Variants in SCRIB observed in about 807,000 individuals in gnomAD.
The protein encoded by SCRIB is scribble planar cell polarity protein.
SCRIB carries 72 observed loss-of-function variants against 170.0 expected under a neutral mutation model. That is an observed-to-expected ratio of 0.42 (90% CI 0.35 to 0.52). The LOEUF (loss-of-function observed/expected upper bound fraction) is 0.52. Ranked by LOEUF, SCRIB falls within the 20% of genes least tolerant of loss-of-function variation. The probability of loss-of-function intolerance (pLI) is 0.02; values close to 1 mark genes in which losing one functional copy is unlikely to be tolerated. For synonymous variants in SCRIB, 1,298 were observed against 1,044.3 expected, an observed-to-expected ratio of 1.24 and a Z score of -4.68; for missense variants, 2,475 against 2,338.5, an observed-to-expected ratio of 1.06 and a Z score of -1.20.
chr8:143,805,399 C>T lies in SCRIB; in HGVS notation c.2383G>A (p.Glu795Lys), dbSNP rs782488893. 23 of 1,536,980 alleles carry T rather than the reference C, an allele frequency of 1.5e-5. No homozygotes were observed. Among genetic ancestry groups the T allele is most frequent in the South Asian group, 1.1e-4 (9 of 83,806 alleles). ...GVALQGAEHH[E>K]AVEALRGAGT... ...GCCCCCCGGAGCGCCTCCACGGCCT[C>T]GTGGTGCTCGGCGCCCTGCAGAGCC... Residue 795 changes from glutamate to lysine, a missense_variant, in exon 19 of 37, where the codon GAG becomes AAG. Physicochemically the swap from Glu to Lys is moderately conservative, Grantham distance 56. Around this residue, in one of 3 missense-constraint regions of SCRIB, gnomAD observed 1,966 missense variants for 1,742.9 expected, o/e 1.13. Coordinates refer to ENST00000356994, the MANE Select transcript of SCRIB (RefSeq NM_182706.5).
intron 27 of SCRIB, 105 bp downstream of exon 27, chr8:143,794,933 C>G (rs1360123708): frequency 8.6e-7 from 1 of 1,160,338 alleles, no homozygotes; most frequent in East Asian, 2.4e-5. Flanking sequence ...CACCCCAGCC[C>G]CCGCCCAAAG....
At chr8:143,805,569 C>T (rs1587531153) in intron 18 of SCRIB, 134 bp from the exon 19 acceptor site, 3 of 900,074 alleles carry the variant, frequency 3.3e-6, no homozygotes, top group South Asian at 3.9e-5. Context: ...CAGGCGCTGA[C>T]ATCACCCGAG....
chr8:143,792,654 G>T lies in SCRIB; in HGVS notation c.4178-19C>A. The T allele has an allele frequency of 6.3e-7, 1 of 1,592,274 alleles. No individual in the cohort carries two copies. ...TTTCTGGCTGCCGGAGGGCAGGGTG[G>T]GTCAGGCCAGACCAGCCGAGACCCA... On this transcript the variant is annotated intron_variant, in intron 30 of 36. Coordinates refer to ENST00000356994, the MANE Select transcript of SCRIB (RefSeq NM_182706.5).
intron 1 of SCRIB, 66 bp downstream of exon 1, chr8:143,815,148 T>C: frequency 1.4e-6 from 2 of 1,435,070 alleles, no homozygotes; most frequent in Non-Finnish European, 1.8e-6. Flanking sequence ...CCGGGCAGAT[T>C]CTGCCGCCGG....
At position 143,813,602 on chromosome 8, in the gene SCRIB, C is replaced by T. The variant is rs202101404; in HGVS notation, c.446+35G>A. ...AGGGGCAGGGCCAATCCTGGTCCCC[C>T]ACCCCACCCTAGTTCCACCTGAGAA... On this transcript the variant is annotated intron_variant, in intron 4 of 36. Transcript: ENST00000356994. The T allele has an allele frequency of 1.9e-5, 30 of 1,612,150 alleles. No individual in the cohort carries two copies. In the African/African-American group the frequency reaches 2.3e-4, roughly 12 times the overall value.
intron 16 of SCRIB, among the ~76,000 whole-genome samples, chr8:143,807,351 G>A (rs1201446960): frequency 6.6e-6 from 1 of 152,202 alleles, no homozygotes; most frequent in Non-Finnish European, 1.5e-5. Flanking sequence ...GATGGGAGCT[G>A]GACCAGCCTC....
Position 143,811,147 on chromosome 8 carries a change from G to T in SCRIB, c.1105C>A (p.Arg369Ser), listed in dbSNP as rs200867026. 3.1e-6 allele frequency: 5 copies of T among 1,599,326 alleles called. No individual in the cohort carries two copies. The highest frequency in any genetic ancestry group is 3.4e-5 in the Admixed American group (2 of 58,344). Reference protein sequence around the residue: ...ELHVLDVAGNRLQSLPFALTH... With the variant: ...ELHVLDVAGNSLQSLPFALTH... ...CCGCAGGGCAAGGCTGGCACTCACC[G>T]GTTCCCCGCCACGTCCAGCACGTGC... Residue 369 changes from arginine (R) to serine (S), a missense_variant and splice_region_variant, in exon 10 of 37, where the codon CGC (arginine) becomes AGC (serine). This residue lies in a region of SCRIB where 487 missense variants were observed against 558.1 expected (regional missense o/e 0.87). Transcript: ENST00000356994.
intron 24 of SCRIB, among the ~76,000 whole-genome samples, chr8:143,802,796 C>T (rs1004116547): frequency 1.2e-4 from 18 of 152,234 alleles, no homozygotes; most frequent in Non-Finnish European, 2.4e-4. Flanking sequence ...GGCCCCACCT[C>T]GCATCCCAAC....
In SCRIB at chr8:143,805,258, C is replaced by T. The variant is rs571102571; in HGVS notation, c.2524G>A (p.Gly842Arg). The change falls in exon 19 of 37, where the codon GGG (glycine) becomes AGG (arginine). Residue 842 changes from glycine to arginine, a missense_variant. This residue lies in a region of SCRIB where 1,966 missense variants were observed against 1,742.9 expected (regional missense o/e 1.13). Coordinates refer to ENST00000356994, the MANE Select transcript of SCRIB (RefSeq NM_182706.5). ...DDYSPRERRG[G>R]GLRLPLLPPE... is the part of the protein sequence containing the mutation. The stretch of plus-strand genomic sequence containing the variant: ...GGGAGCAGGGGCAGGCGCAGCCCCC[C>T]TCCCCGCCGCTCTCGGGGGCTGTAA... 1.7e-4 allele frequency: 261 copies of T among 1,532,032 alleles called. No homozygotes were observed. The highest frequency in any genetic ancestry group is 1.6e-3 in the African/African-American group (116 of 72,944). 94.9% of individuals were successfully genotyped at this position (1,532,032 alleles called of 1,614,324 possible).
Position 143,813,985 on chromosome 8 carries a change from T to C in SCRIB, c.277+16A>G. ...CACTCCCCAGACCCCACCCAGCCCC[T>C]GCCCAGGCTCCCCACCGTTCCGGGA... On this transcript the variant is annotated intron_variant, in intron 2 of 36. Coordinates refer to ENST00000356994, the MANE Select transcript of SCRIB (RefSeq NM_182706.5). The C allele has an allele frequency of 9.9e-7, 1 of 1,013,528 alleles. No individual in the cohort carries two copies. The highest frequency in any genetic ancestry group is 1.5e-6 in the Non-Finnish European group (1 of 682,158). 62.8% of individuals were successfully genotyped at this position (1,013,528 alleles called of 1,614,324 possible). A position where few individuals can be genotyped will look rare whatever the true frequency, so the allele number is the denominator to read the frequency against.
intron 31 of SCRIB, 38 bp from the exon 32 acceptor site, chr8:143,792,443 C>A (rs782476537): frequency 6.6e-7 from 1 of 1,508,634 alleles, no homozygotes; most frequent in Admixed American, 2.0e-5. Flanking sequence ...GGGGCAGGGG[C>A]ACGTGGGGTG....
chr8:143,812,784 G>A lies in SCRIB; in HGVS notation c.787+33C>T, dbSNP rs756311394. 1.9e-5 allele frequency: 30 copies of A among 1,589,366 alleles called. No homozygotes were observed. In the Admixed American group the frequency reaches 2.8e-4, roughly 15 times the overall value. On this transcript the variant is annotated intron_variant, in intron 8 of 36. Coordinates refer to ENST00000356994, the MANE Select transcript of SCRIB (RefSeq NM_182706.5). ...CGCTCCTCCCAGGGCCAGGCTCCGT[G>A]TGCCCCACCCAGGCACCCCCAGGCA... is the stretch of plus-strand genomic sequence containing the variant.
chr8:143,795,467 T>C lies in SCRIB; in HGVS notation c.3667A>G (p.Ser1223Gly), dbSNP rs782267880. The change falls in exon 25 of 37, where the codon AGC (serine) becomes GGC (glycine). Residue 1223 changes from serine (S) to glycine (G), a missense_variant. Physicochemically the swap from Ser to Gly is moderately conservative, Grantham distance 56. This residue lies in a region of SCRIB where 1,966 missense variants were observed against 1,742.9 expected (regional missense o/e 1.13). Transcript: ENST00000356994. ...AGCTCCCGGTCGATGGAAGAGATGC[T>C]CTCCAGGCTGTTCCGGTGGCCGATG... ...AGIGHRNSLE[S>G]ISSIDRELSP... 21 of 1,613,062 alleles carry C rather than the reference T, an allele frequency of 1.3e-5. No individual in the cohort carries two copies. The Admixed American group carries it at 3.5e-4, about 27-fold the overall frequency.
In SCRIB at chr8:143,793,029, T is replaced by C; in HGVS notation, c.3964A>G (p.Arg1322Gly). 2 of 1,510,950 alleles carry C rather than the reference T, an allele frequency of 1.3e-6. No individual in the cohort carries two copies. Among genetic ancestry groups the C allele is most frequent in the Non-Finnish European group, 1.8e-6 (2 of 1,128,242 alleles). 93.6% of individuals were successfully genotyped at this position (1,510,950 alleles called of 1,614,324 possible). ...ELPANVKQAYRAFAAVPTSHP... is the reference protein window; with the variant it reads ...ELPANVKQAYGAFAAVPTSHP... The stretch of plus-strand genomic sequence containing the variant: ...GAAGTGGGCACGGCCGCGAAGGCCC[T>C]GTAGGCCTGCTTCACATTGGCGGGC... The change falls in exon 29 of 37, where the codon AGG becomes GGG. Residue 1322 changes from arginine to glycine, a missense_variant. By Grantham distance (125) the Arg-to-Gly change is moderately radical. Coordinates refer to ENST00000356994, the MANE Select transcript of SCRIB (RefSeq NM_182706.5).
chr8:143,806,511 G>A (rs1433551450), intron 17 of SCRIB, 27 bp from the exon 18 acceptor site: 7 of 1,557,654 alleles, frequency 4.5e-6, no homozygotes, highest in Non-Finnish European at 5.2e-6. Flanking sequence ...AGCTTGGCAG[G>A]GGCCAGGGAG....
chr8:143,812,660 C>A (rs1282888428), intron 8 of SCRIB, among the ~76,000 whole-genome samples, 157 bp downstream of exon 8: 1 of 152,162 alleles, frequency 6.6e-6, no homozygotes, highest in African/African-American at 2.4e-5. Context: ...CTGGGCTGCC[C>A]CAGGGTCCCA....
intron 24 of SCRIB, among the ~76,000 whole-genome samples, chr8:143,796,802 C>G (rs2130019432): frequency 6.6e-6 from 1 of 152,258 alleles, no homozygotes; most frequent in South Asian, 2.1e-4. Context: ...CCAAGAGAGG[C>G]AGGGGTCCTG....
chr8:143,797,677 T>C (rs556245027), intron 24 of SCRIB, among the ~76,000 whole-genome samples: 2 of 152,288 alleles, frequency 1.3e-5, no homozygotes, highest in South Asian at 4.1e-4. Flanking sequence ...CGCTGAAGCC[T>C]GTGAGGACAT....
rs776106279 is a variant in SCRIB at position 143,810,910 on chromosome 8, G to A, written c.1269C>T (p.Ser423=). The change falls in exon 11 of 37, where the codon AGC becomes AGT. Residue 423 remains serine, a synonymous_variant. Coordinates refer to ENST00000356994, the MANE Select transcript of SCRIB (RefSeq NM_182706.5). ...CACCGGTTGCCAACAACCTACCGAG[G>A]CTGGGTGGGGGCTGCTGGGGCAGCA... ...CYLLPQQPPP[S]LEDAGQQGSL... is the part of the protein sequence containing the mutation. The A allele has an allele frequency of 1.2e-6, 2 of 1,611,370 alleles. No individual in the cohort carries two copies. Among genetic ancestry groups the A allele is most frequent in the African/African-American group, 2.7e-5 (2 of 74,936 alleles).
Sources: gnomAD v4.1 joint callset for allele counts (sites outside exome capture counted in the v4.1 genomes callset) on GRCh38, gnomAD v4.1.1 for gene constraint, gnomAD v4.1.1 regional missense constraint, MANE v1.5 for transcripts, NCBI Gene and HGNC (gene_info 2026-07-23, HGNC 2026-07-21) for gene names.